BANK1: variants seen among roughly 807,000 people sequenced by gnomAD.
BANK1 encodes B-cell scaffold protein with ankyrin repeats.
Under a neutral mutation model 94.5 loss-of-function variants are expected in BANK1, and 95 were observed. That is an observed-to-expected ratio of 1.00 (90% CI 0.85 to 1.19). The LOEUF is 1.19. BANK1 is among the 50% of genes most tolerant of loss of function. The probability of loss-of-function intolerance (pLI) is 0.00; values close to 1 mark genes in which losing one functional copy is unlikely to be tolerated. For missense variants in BANK1, 987 were observed against 932.2 expected (o/e 1.06, Z -0.77); for synonymous variants, 334 against 308.4 (o/e 1.08, Z -0.87).
At position 101,986,873 on chromosome 4, in the gene BANK1, A is replaced by ATGTGTGTGTGTGTG. The variant is rs1164357630; in HGVS notation, c.1207-34627_1207-34614dup. Among the ~76,000 whole-genome samples the ATGTGTGTGTGTGTG allele has an allele frequency of 8.3e-4, 39 of 46,886 alleles. 1 individual carries two copies. Among genetic ancestry groups the ATGTGTGTGTGTGTG allele is most frequent in the African/African-American group, 1.0e-3 (10 of 9,638 alleles). 30.8% of individuals were successfully genotyped at this position (46,886 alleles called of 152,430 possible). A position where few individuals can be genotyped will look rare whatever the true frequency, so the allele number is the denominator to read the frequency against. On this transcript the variant is annotated intron_variant, in intron 7 of 16. Coordinates refer to ENST00000322953, the MANE Select transcript of BANK1 (RefSeq NM_017935.5). ...TATATATGTATATATATATGTGTGT[A>ATGTGTGTGTGTGTG]TGTGTGTGTGTGTGTGTGTGTGTGT...
intron 1 of BANK1, among the ~76,000 whole-genome samples, chr4:101,807,780 C>G (rs1236494677): frequency 2.6e-5 from 4 of 152,022 alleles, no homozygotes; most frequent in African/African-American, 9.7e-5. Flanking sequence ...AGTGATAGAC[C>G]TGGATTTTTA....
chr4:101,863,981 G>T (rs1162429329), intron 4 of BANK1, among the ~76,000 whole-genome samples: 2 of 152,068 alleles, frequency 1.3e-5, no homozygotes, highest in South Asian at 4.2e-4. Context: ...ATACCTACTG[G>T]GTGAGAGCAG....
intron 7 of BANK1, among the ~76,000 whole-genome samples, chr4:101,999,995 A>G (rs1481480730): frequency 6.6e-6 from 1 of 152,184 alleles, no homozygotes; most frequent in Non-Finnish European, 1.5e-5. Flanking sequence ...GTGACCATAG[A>G]ATATACTATC....
At chr4:101,899,996 C>G (rs1203312411) in intron 6 of BANK1, among the ~76,000 whole-genome samples, 3 of 152,184 alleles carry the variant, frequency 2.0e-5, no homozygotes, top group African/African-American at 7.2e-5. Flanking sequence ...CCTTTATAAT[C>G]CCCTCTCAGC....
At position 102,015,660 on chromosome 4, in the gene BANK1, G is replaced by A. The variant is rs150602351; in HGVS notation, c.1207-5854G>A. The stretch of plus-strand genomic sequence containing the variant: ...AATAGTACTGGTTACCAGACAGTGA[G>A]CTGAGCAGAAACTTACATGCCATGT... On this transcript the variant is annotated intron_variant, in intron 7 of 16. Transcript: ENST00000322953. Among the ~76,000 whole-genome samples, 3 of 152,276 alleles carry A rather than the reference G, an allele frequency of 2.0e-5. No individual in the cohort carries two copies. The East Asian group carries it at 5.8e-4, about 29-fold the overall frequency.
intron 7 of BANK1, among the ~76,000 whole-genome samples, chr4:101,947,489 G>A (rs1424056654): frequency 1.3e-5 from 2 of 151,028 alleles, no homozygotes; most frequent in Admixed American, 1.3e-4. Flanking sequence ...TATTAAAGAT[G>A]TCTGATAGGT....
intron 10 of BANK1, among the ~76,000 whole-genome samples, chr4:102,039,913 G>C (rs372271816): frequency 6.6e-6 from 1 of 152,054 alleles, no homozygotes; most frequent in Non-Finnish European, 1.5e-5. Context: ...TAGCTGTACA[G>C]CTCTAAATAA....
chr4:101,792,174 T>C (rs1468513050), intron 1 of BANK1, among the ~76,000 whole-genome samples: 1 of 152,120 alleles, frequency 6.6e-6, no homozygotes, highest in Non-Finnish European at 1.5e-5. Context: ...TTGAGGCACT[T>C]GCTATTGTGA....
chr4:102,012,644 A>G (rs1260920604), intron 7 of BANK1, among the ~76,000 whole-genome samples: 1 of 152,130 alleles, frequency 6.6e-6, no homozygotes, highest in Non-Finnish European at 1.5e-5. Flanking sequence ...GTAGTATTAT[A>G]TGTTTGCTTC....
At chr4:102,001,146 A>G (rs957750979) in intron 7 of BANK1, among the ~76,000 whole-genome samples, 2 of 152,176 alleles carry the variant, frequency 1.3e-5, no homozygotes, top group Non-Finnish European at 2.9e-5. Flanking sequence ...CTAGAATATC[A>G]AAGGAGCAAC....
chr4:101,895,393 T>G lies in BANK1; in HGVS notation c.992T>G (p.Ile331Ser). 1 of 1,582,614 alleles carries G rather than the reference T, an allele frequency of 6.3e-7. No homozygotes were observed. Among genetic ancestry groups the G allele is most frequent in the African/African-American group, 1.4e-5 (1 of 73,410 alleles). ...YYEFQSLQTE[I>S]CSQNKYTHFK... The stretch of plus-strand genomic sequence containing the variant: ...GAGTTCCAGTCTCTTCAAACTGAAA[T>G]TTGTTCTCAAAACAAATGTGAGTAT... The change falls in exon 6 of 17, where the codon ATT (isoleucine) becomes AGT (serine). Residue 331 changes from isoleucine to serine, a missense_variant. Coordinates refer to ENST00000322953, the MANE Select transcript of BANK1 (RefSeq NM_017935.5).
chr4:102,009,830 C>T (rs1338752906), intron 7 of BANK1, among the ~76,000 whole-genome samples: 2 of 151,986 alleles, frequency 1.3e-5, no homozygotes, highest in African/African-American at 4.8e-5. Flanking sequence ...TTATGTATAT[C>T]ATATAAATTA....
intron 7 of BANK1, among the ~76,000 whole-genome samples, chr4:102,009,031 A>T (rs1458736769): frequency 6.6e-6 from 1 of 152,172 alleles, no homozygotes; most frequent in Non-Finnish European, 1.5e-5. Context: ...CATCCATATG[A>T]CATGGTTTTA....
At chr4:101,817,491 A>G (rs1725962121) in intron 1 of BANK1, among the ~76,000 whole-genome samples, 1 of 152,132 alleles carries the variant, frequency 6.6e-6, no homozygotes, top group African/African-American at 2.4e-5. Flanking sequence ...GAAAACATGG[A>G]CACATAGAGG....
At chr4:101,966,163 A>G (rs1488397355) in intron 7 of BANK1, among the ~76,000 whole-genome samples, 4 of 152,070 alleles carry the variant, frequency 2.6e-5, no homozygotes, top group Non-Finnish European at 4.4e-5. Context: ...CAAACACAGT[A>G]TCTGTAACCA....
intron 13 of BANK1, among the ~76,000 whole-genome samples, chr4:102,065,586 T>C (rs1728564468): frequency 6.6e-6 from 1 of 151,960 alleles, no homozygotes; most frequent in Non-Finnish European, 1.5e-5. Context: ...AAAGAAACTA[T>C]AGACGGAACC....
rs1286187474 is a variant in BANK1, at chr4:101,870,644, G to A, written c.903G>A (p.Gln301=). The A allele has an allele frequency of 6.2e-7, 1 of 1,608,448 alleles. No individual in the cohort carries two copies. The highest frequency in any genetic ancestry group is 8.5e-7 in the Non-Finnish European group (1 of 1,177,808). Residue 301 remains glutamine (Q), a splice_region_variant and synonymous_variant, in exon 5 of 17, where the codon CAG becomes CAA. Coordinates refer to ENST00000322953, the MANE Select transcript of BANK1 (RefSeq NM_017935.5). ...CAGATTCAGGAGAGAGTTTGTGCCAGGTAAGTTAATCTTTCCACGAAGTTA... is the reference window on the plus strand; with the variant it reads ...CAGATTCAGGAGAGAGTTTGTGCCAAGTAAGTTAATCTTTCCACGAAGTTA... ...RMADSGESLC[Q]NSIEELDGVL...
chr4:102,028,866 A>G (rs1300416077), intron 9 of BANK1, among the ~76,000 whole-genome samples: 1 of 151,502 alleles, frequency 6.6e-6, no homozygotes, highest in East Asian at 1.9e-4. Flanking sequence ...CTTTTATGTC[A>G]TGAACTCTAC....
intron 1 of BANK1, among the ~76,000 whole-genome samples, chr4:101,800,788 G>C (rs969299310): frequency 6.6e-6 from 1 of 151,982 alleles, no homozygotes; most frequent in East Asian, 1.9e-4. Flanking sequence ...ATGGTTTCTC[G>C]CTCTTGTCAC....
Sources: allele counts gnomAD v4.1 joint callset (sites outside exome capture counted in the v4.1 genomes callset), GRCh38; gene constraint gnomAD v4.1.1; transcripts MANE v1.5; gene names NCBI Gene and HGNC (gene_info 2026-07-23, HGNC 2026-07-21).